C7orf33: variants seen among roughly 807,000 people sequenced by gnomAD.
C7orf33 encodes uncharacterized protein C7orf33.
Under a neutral mutation model 13.4 loss-of-function variants are expected in C7orf33, and 15 were observed. That is an observed-to-expected ratio of 1.12 (90% confidence interval 0.75 to 1.72). The LOEUF is 1.72. Ranked by LOEUF, C7orf33 falls within the 40% of genes most tolerant of loss-of-function variation. The pLI is 0.00. For missense variants in C7orf33, 187 were observed against 220.3 expected (o/e 0.85, Z 0.96); for synonymous variants, 73 against 83.2 (o/e 0.88, Z 0.67).
At chr7:148,601,911 C>T (rs1047525766) in intron 1 of C7orf33, among the ~76,000 whole-genome samples, 6 of 151,710 alleles carry the variant, frequency 4.0e-5, no homozygotes, top group Non-Finnish European at 8.8e-5. Flanking sequence ...CCATGCCCAG[C>T]TGATTTTTTT....
At chr7:148,597,493 G>T (rs1198593133) in intron 1 of C7orf33, among the ~76,000 whole-genome samples, 1 of 151,942 alleles carries the variant, frequency 6.6e-6, no homozygotes, top group African/African-American at 2.4e-5. Flanking sequence ...TATTGGCCAG[G>T]CTGGTCTCAA....
intron 1 of C7orf33, among the ~76,000 whole-genome samples, chr7:148,593,136 G>C (rs1419943250): frequency 2.0e-5 from 3 of 152,138 alleles, no homozygotes; most frequent in African/African-American, 7.2e-5. Flanking sequence ...CAACATGCCT[G>C]GCCGACACGA....
At chr7:148,591,491 C>G (rs1340806022) in intron 1 of C7orf33, among the ~76,000 whole-genome samples, 2 of 152,230 alleles carry the variant, frequency 1.3e-5, no homozygotes, top group African/African-American at 4.8e-5. Flanking sequence ...CAGGAAGCCT[C>G]TATCTTGGTC....
Position 148,615,448 on chromosome 7 carries a change from G to A in C7orf33, c.*47G>A, listed in dbSNP as rs775082238. Reference sequence around the variant, plus strand: ...TCACATCTCTAAATTTGTGTAGATTGTGAAATCTCTTCTTGCAAGAAAAAA... The same window carrying A: ...TCACATCTCTAAATTTGTGTAGATTATGAAATCTCTTCTTGCAAGAAAAAA... On this transcript the variant is annotated 3_prime_UTR_variant, in exon 3 of 3. Coordinates refer to ENST00000307003, the MANE Select transcript of C7orf33 (RefSeq NM_145304.4). 3.5e-6 allele frequency: 4 copies of A among 1,158,060 alleles called. No individual in the cohort carries two copies. In the East Asian group the frequency reaches 9.4e-5, roughly 27 times the overall value. 71.7% of individuals were successfully genotyped at this position (1,158,060 alleles called of 1,614,324 possible). A position where few individuals can be genotyped will look rare whatever the true frequency, so the allele number is the denominator to read the frequency against.
chr7:148,607,679 G>A (rs1367402991), intron 1 of C7orf33, among the ~76,000 whole-genome samples: 2 of 152,040 alleles, frequency 1.3e-5, no homozygotes, highest in South Asian at 4.1e-4. Flanking sequence ...TTTTCTTTGA[G>A]TTTTTTGACC....
chr7:148,609,232 T>C (rs966504475), intron 1 of C7orf33, among the ~76,000 whole-genome samples: 8 of 152,224 alleles, frequency 5.3e-5, no homozygotes, highest in African/African-American at 1.9e-4. Flanking sequence ...TGAGATATCA[T>C]GTTTCAGGCT....
intron 1 of C7orf33, among the ~76,000 whole-genome samples, chr7:148,609,928 C>T (rs117266000): frequency 2.1e-4 from 32 of 152,214 alleles, no homozygotes; most frequent in Non-Finnish European, 4.3e-4. Context: ...AAGTTAAAAA[C>T]GGAAGTACAT....
chr7:148,592,825 T>C (rs890429896), intron 1 of C7orf33, among the ~76,000 whole-genome samples: 1 of 152,042 alleles, frequency 6.6e-6, no homozygotes, highest in Admixed American at 6.6e-5. Context: ...AGGGTAGATA[T>C]GATTTAAATC....
chr7:148,595,647 TATA>T lies in C7orf33; in HGVS notation c.204+4522_204+4524del, dbSNP rs1272562053. Among the ~76,000 whole-genome samples, 248 of 81,816 alleles carry T rather than the reference TATA, an allele frequency of 3.0e-3. 11 individuals carry two copies. The highest frequency in any genetic ancestry group is 0.025 in the African/African-American group (241 of 9,814). The allele number at this position is 81,816 out of a possible 152,430, so 53.7% of individuals were successfully genotyped here. On this transcript the variant is annotated intron_variant, in intron 1 of 2. Transcript: ENST00000307003. The stretch of plus-strand genomic sequence containing the variant: ...ATAATATACATCTATATTATATAGA[TATA>T]ATATAGATCTATATTATATAGATAT...
rs1223760645 is a variant in C7orf33, at chr7:148,614,237, C to G, written c.400C>G (p.Leu134Val). 1 of 1,614,062 alleles carries G rather than the reference C, an allele frequency of 6.2e-7. No homozygotes were observed. The highest frequency in any genetic ancestry group is 1.3e-5 in the African/African-American group (1 of 74,910). Reference protein sequence around the residue: ...PVVGTLSSSYLDLLTLSYKPG... With the variant: ...PVVGTLSSSYVDLLTLSYKPG... ...TGTCGGCACCTTGTCTTCCAGTTACCTAGATCTGCTAACTCTCTCTTACAA... is the reference window on the plus strand; with the variant it reads ...TGTCGGCACCTTGTCTTCCAGTTACGTAGATCTGCTAACTCTCTCTTACAA... Residue 134 changes from leucine (L) to valine (V), a missense_variant, in exon 2 of 3, where the codon CTA becomes GTA. By Grantham distance (32) the Leu-to-Val change is conservative (BLOSUM62 1). Transcript: ENST00000307003.
intron 1 of C7orf33, among the ~76,000 whole-genome samples, chr7:148,601,370 G>A (rs555351134): frequency 6.6e-6 from 1 of 151,950 alleles, no homozygotes. Flanking sequence ...TTTTGAGACA[G>A]AGTCTCACTC....
At chr7:148,610,510 A>G (rs1442312023) in intron 1 of C7orf33, among the ~76,000 whole-genome samples, 1 of 152,140 alleles carries the variant, frequency 6.6e-6, no homozygotes, top group Non-Finnish European at 1.5e-5. Flanking sequence ...CAGCTTCCAG[A>G]CAGCCTATTG....
chr7:148,615,462 T>G lies in C7orf33; in HGVS notation c.*61T>G. 9.2e-7 allele frequency: 1 copy of G among 1,081,858 alleles called. No individual in the cohort carries two copies. The highest frequency in any genetic ancestry group is 1.4e-6 in the Non-Finnish European group (1 of 706,102). 67.0% of individuals were successfully genotyped at this position (1,081,858 alleles called of 1,614,324 possible). ...TTGTGTAGATTGTGAAATCTCTTCT[T>G]GCAAGAAAAAAGAGAAATAGCTGAA... On this transcript the variant is annotated 3_prime_UTR_variant, in exon 3 of 3. Coordinates refer to ENST00000307003, the MANE Select transcript of C7orf33 (RefSeq NM_145304.4).
chr7:148,592,544 T>G (rs1397986638), intron 1 of C7orf33, among the ~76,000 whole-genome samples: 1 of 151,110 alleles, frequency 6.6e-6, no homozygotes, highest in Non-Finnish European at 1.5e-5. Flanking sequence ...AGATGGAGTC[T>G]AGCTCTGTCG....
At chr7:148,611,415 A>G (rs1239639283) in intron 1 of C7orf33, among the ~76,000 whole-genome samples, 2 of 152,204 alleles carry the variant, frequency 1.3e-5, no homozygotes, top group African/African-American at 2.4e-5. Context: ...AGAACGATGC[A>G]GCAGAGAAGA....
intron 1 of C7orf33, 55 bp downstream of exon 1, chr7:148,591,184 T>C: frequency 1.4e-6 from 2 of 1,399,868 alleles, no homozygotes; most frequent in Non-Finnish European, 2.0e-6. Context: ...TCAGTATCTC[T>C]TGAGAATTCA....
chr7:148,613,359 A>G (rs1202928817), intron 1 of C7orf33, among the ~76,000 whole-genome samples: 5 of 152,262 alleles, frequency 3.3e-5, no homozygotes, highest in Admixed American at 3.3e-4. Flanking sequence ...AGCTCTGTAC[A>G]CAAATAACGT....
chr7:148,593,963 C>T (rs1054519105), intron 1 of C7orf33, among the ~76,000 whole-genome samples: 13 of 152,092 alleles, frequency 8.5e-5, no homozygotes, highest in African/African-American at 3.1e-4. Flanking sequence ...GCTGTCCTTG[C>T]GATAGTGAGT....
At position 148,605,558 on chromosome 7, in the gene C7orf33, C is replaced by T. The variant is rs1364167369; in HGVS notation, c.205-8484C>T. 2.0e-5 allele frequency among the ~76,000 whole-genome samples: 3 copies of T among 152,212 alleles called. No individual in the cohort carries two copies. In the East Asian group the frequency reaches 5.8e-4, roughly 29 times the overall value. Reference sequence around the variant, plus strand: ...CTTCTTCACCCCGGCAGCAGCACTTCCTTTCTGCAGAAGCTTTTGAATGTG... The same window carrying T: ...CTTCTTCACCCCGGCAGCAGCACTTTCTTTCTGCAGAAGCTTTTGAATGTG... On this transcript the variant is annotated intron_variant, in intron 1 of 2. Coordinates refer to ENST00000307003, the MANE Select transcript of C7orf33 (RefSeq NM_145304.4).
Sources: gnomAD v4.1 joint callset for allele counts (sites outside exome capture counted in the v4.1 genomes callset) on GRCh38, gnomAD v4.1.1 for gene constraint, MANE v1.5 for transcripts, NCBI Gene and HGNC (gene_info 2026-07-23, HGNC 2026-07-21) for gene names.